E2F5: variants seen among roughly 807,000 people sequenced by gnomAD.
E2F5 encodes E2F transcription factor 5, also known as transcription factor E2F5.
In E2F5, 23 loss-of-function variants were observed where a neutral mutation model predicts 39.1. The observed-to-expected ratio is 0.59, with a 90% CI of 0.42 to 0.83. The LOEUF (loss-of-function observed/expected upper bound fraction) is 0.83. Among genes scored for constraint, E2F5 ranks in the 40% least tolerant of loss-of-function variants. E2F5 has a pLI of 0.00. For synonymous variants in E2F5, 145 were observed against 157.8 expected (o/e 0.92, Z 0.61); for missense variants, 365 against 406.7 (o/e 0.90, Z 0.88).
chr8:85,211,651 T>G (rs1389522311), intron 6 of E2F5, among the ~76,000 whole-genome samples: 29 of 135,440 alleles, frequency 2.1e-4, no homozygotes, highest in African/African-American at 5.9e-4. Flanking sequence ...TTGTTTTTTT[T>G]TTTTTTTTTT....
chr8:85,191,605 G>A (rs530688897), intron 1 of E2F5, among the ~76,000 whole-genome samples: 9 of 151,980 alleles, frequency 5.9e-5, no homozygotes, highest in Non-Finnish European at 1.3e-4. Context: ...CTACATTTCT[G>A]GTCATTTGTG....
intron 6 of E2F5, among the ~76,000 whole-genome samples, chr8:85,209,734 G>T (rs1263177124): frequency 6.6e-6 from 1 of 152,178 alleles, no homozygotes; most frequent in Non-Finnish European, 1.5e-5. Flanking sequence ...GGCATATGTA[G>T]ATTTCAGCTT....
chr8:85,177,543 C>CG lies in E2F5; in HGVS notation c.128dup (p.Ala44ArgfsTer38). The CG allele has an allele frequency of 8.2e-7, 1 of 1,218,332 alleles. No homozygotes were observed. Among genetic ancestry groups the CG allele is most frequent in the Non-Finnish European group, 1.0e-6 (1 of 977,784 alleles). The allele number at this position is 1,218,332 out of a possible 1,614,324, so 75.5% of individuals were successfully genotyped here. Reference sequence around the variant, plus strand: ...CGCAGCCGCCCCCGCCGCCGCAGCTCGGGGGCGCCGGGGGCGGCAGCAGCA... The same window carrying CG: ...CGCAGCCGCCCCCGCCGCCGCAGCTCGGGGGGCGCCGGGGGCGGCAGCAGCA... On this transcript the variant is annotated frameshift_variant, in exon 1 of 8. Coordinates refer to ENST00000416274, the MANE Select transcript of E2F5 (RefSeq NM_001951.4). LOFTEE classifies it high-confidence loss of function.
intron 3 of E2F5, among the ~76,000 whole-genome samples, chr8:85,205,479 C>G (rs1199979147): frequency 6.6e-6 from 1 of 152,012 alleles, no homozygotes; most frequent in Non-Finnish European, 1.5e-5. Context: ...GTGTGGCAGC[C>G]CCTCTGTGCA....
At chr8:85,186,704 A>G (rs1197533935) in intron 1 of E2F5, among the ~76,000 whole-genome samples, 1 of 147,318 alleles carries the variant, frequency 6.8e-6, no homozygotes, top group Non-Finnish European at 1.5e-5. Flanking sequence ...TATGGTATAT[A>G]TGGTATATAT....
At chr8:85,206,148 A>G (rs763895842) in intron 3 of E2F5, 29 bp from the exon 4 acceptor site, 19 of 1,607,500 alleles carry the variant, frequency 1.2e-5, no homozygotes, top group Non-Finnish European at 1.4e-5. Flanking sequence ...CTTGATATAA[A>G]TGTCGTTCCT....
At chr8:85,184,454 A>G (rs1434193375) in intron 1 of E2F5, among the ~76,000 whole-genome samples, 2 of 152,246 alleles carry the variant, frequency 1.3e-5, no homozygotes, top group Admixed American at 6.5e-5. Context: ...GAAAACCAGT[A>G]TAAGACAAGA....
chr8:85,185,619 CAA>C (rs943188171), intron 1 of E2F5, among the ~76,000 whole-genome samples: 1 of 152,140 alleles, frequency 6.6e-6, no homozygotes, highest in Non-Finnish European at 1.5e-5. Context: ...ACCCATCTGA[CAA>C]AGAGTTCATA....
chr8:85,200,459 T>G (rs975694588), intron 1 of E2F5: 9 of 324,150 alleles, frequency 2.8e-5, no homozygotes, highest in African/African-American at 2.0e-4. Context: ...TTTTTAAAAC[T>G]TTGAGCTAAA....
intron 1 of E2F5, among the ~76,000 whole-genome samples, chr8:85,181,550 A>G (rs1261255651): frequency 1.5e-5 from 2 of 137,898 alleles, no homozygotes; most frequent in African/African-American, 5.4e-5. Flanking sequence ...TCACCGTGTT[A>G]GAATGGTCTC....
At chr8:85,211,743 TCCTC>T (rs1812928506) in intron 6 of E2F5, among the ~76,000 whole-genome samples, 1 of 142,346 alleles carries the variant, frequency 7.0e-6, no homozygotes. Context: ...CCTCAAGTGA[TCCTC>T]CCACCTCAGT....
At chr8:85,181,722 G>A (rs1264179510) in intron 1 of E2F5, among the ~76,000 whole-genome samples, 1 of 150,790 alleles carries the variant, frequency 6.6e-6, no homozygotes, top group African/African-American at 2.4e-5. Flanking sequence ...CACTTTGAGA[G>A]GCCGAGGCGG....
intron 1 of E2F5, among the ~76,000 whole-genome samples, chr8:85,179,660 CT>C (rs1210677199): frequency 2.0e-5 from 3 of 148,648 alleles, no homozygotes; most frequent in East Asian, 2.0e-4. Context: ...ATGTAAAAAT[CT>C]TTTTTTTTTC....
chr8:85,180,875 G>T (rs1358604480), intron 1 of E2F5, among the ~76,000 whole-genome samples: 4 of 151,232 alleles, frequency 2.6e-5, no homozygotes, highest in Non-Finnish European at 2.9e-5. Flanking sequence ...CACCGCGCCC[G>T]GCCGGTCTTG....
In E2F5 at chr8:85,202,166, T is replaced by C; in HGVS notation, c.254T>C (p.Val85Ala). The C allele has an allele frequency of 6.2e-7, 1 of 1,612,380 alleles. No homozygotes were observed. The highest frequency in any genetic ancestry group is 1.1e-5 in the South Asian group (1 of 90,714). The change falls in exon 2 of 8, where the codon GTG (valine) becomes GCG (alanine). Residue 85 changes from valine to alanine, a missense_variant. Coordinates refer to ENST00000416274, the MANE Select transcript of E2F5 (RefSeq NM_001951.4). ...GAACAGGCTGCTGATACTTTGGCTG[T>C]GAGGCAAAAAAGGAGAATTTATGAT... is the stretch of plus-strand genomic sequence containing the variant. ...DLKAAADTLA[V>A]RQKRRIYDIT...
intron 7 of E2F5, chr8:85,212,522 C>A (rs987882536): frequency 4.5e-6 from 1 of 222,836 alleles, no homozygotes; most frequent in Non-Finnish European, 8.8e-6. Context: ...AGCAACTGAT[C>A]TGAACACCTG....
At chr8:85,204,605 T>C (rs540234041) in intron 3 of E2F5, among the ~76,000 whole-genome samples, 1 of 151,560 alleles carries the variant, frequency 6.6e-6, no homozygotes, top group Non-Finnish European at 1.5e-5. Flanking sequence ...TGACGAGTTA[T>C]TGGGTGCAGC....
intron 3 of E2F5, among the ~76,000 whole-genome samples, chr8:85,203,639 T>A (rs1396377315): frequency 6.6e-6 from 1 of 151,606 alleles, no homozygotes; most frequent in Non-Finnish European, 1.5e-5. Context: ...ATTCAGCAGC[T>A]CTCAAAGTTT....
In E2F5 at chr8:85,177,311, T is replaced by C. The variant is rs1201540126; in HGVS notation, c.-110T>C. 2 of 900,252 alleles carry C rather than the reference T, an allele frequency of 2.2e-6. No homozygotes were observed. Among genetic ancestry groups the C allele is most frequent in the Admixed American group, 6.2e-5 (1 of 16,122 alleles). The allele number at this position is 900,252 out of a possible 1,614,324, so 55.8% of individuals were successfully genotyped here. On this transcript the variant is annotated 5_prime_UTR_variant, in exon 1 of 8. Coordinates refer to ENST00000416274, the MANE Select transcript of E2F5 (RefSeq NM_001951.4). ...AGCAGCCAGCGACCCGCACTACCGC[T>C]CTCGGCGGGCGGGGAAGCGGCCGCA... is the stretch of plus-strand genomic sequence containing the variant.
Sources: allele counts gnomAD v4.1 joint callset (sites outside exome capture counted in the v4.1 genomes callset), GRCh38; gene constraint gnomAD v4.1.1; transcripts MANE v1.5; gene names NCBI Gene and HGNC (gene_info 2026-07-23, HGNC 2026-07-21).